AGPAT3: variants seen among roughly 807,000 people sequenced by gnomAD.
AGPAT3 encodes the protein 1-acylglycerol-3-phosphate O-acyltransferase 3, also known as 1-acyl-sn-glycerol-3-phosphate acyltransferase gamma.
AGPAT3 carries 5 observed loss-of-function variants against 47.3 expected under a neutral mutation model. That is an observed-to-expected ratio of 0.11 (90% CI 0.06 to 0.22). The LOEUF is 0.22. Among genes scored for constraint, AGPAT3 ranks in the 10% least tolerant of loss-of-function variants. AGPAT3 has a pLI of 1.00. For synonymous variants in AGPAT3, 212 were observed against 208.3 expected (o/e 1.02, Z -0.15); for missense variants, 315 against 493.0 (o/e 0.64, Z 3.42).
chr21:43,980,203 G>C (rs539368360), intron 8 of AGPAT3, among the ~76,000 whole-genome samples: 1 of 150,472 alleles, frequency 6.6e-6, no homozygotes, highest in Non-Finnish European at 1.5e-5. Context: ...TTAAACCCGG[G>C]AGACAGAGGT....
At chr21:43,957,152 G>A (rs1196243498) in intron 2 of AGPAT3, among the ~76,000 whole-genome samples, 5 of 151,956 alleles carry the variant, frequency 3.3e-5, no homozygotes, top group East Asian at 1.9e-4. Flanking sequence ...TGTGGCCCCC[G>A]AGTGCCATTC....
chr21:43,976,015 T>C (rs182012323), intron 7 of AGPAT3, among the ~76,000 whole-genome samples: 1 of 151,878 alleles, frequency 6.6e-6, no homozygotes, highest in East Asian at 1.9e-4. Flanking sequence ...AAAACCACAT[T>C]TTATTTTTGT....
At chr21:43,941,481 A>C (rs1389530995) in intron 2 of AGPAT3, among the ~76,000 whole-genome samples, 2 of 152,242 alleles carry the variant, frequency 1.3e-5, no homozygotes, top group Non-Finnish European at 2.9e-5. Flanking sequence ...CAGGAGGTCA[A>C]GGCCACAGTG....
intron 2 of AGPAT3, among the ~76,000 whole-genome samples, chr21:43,931,059 G>A (rs1601338068): frequency 6.6e-6 from 1 of 152,114 alleles, no homozygotes. Flanking sequence ...GCCTTTTCTC[G>A]AGGGCCCCGT....
At chr21:43,974,716 T>C (rs2089539290) in intron 7 of AGPAT3, among the ~76,000 whole-genome samples, 1 of 151,882 alleles carries the variant, frequency 6.6e-6, no homozygotes, top group Admixed American at 6.6e-5. Flanking sequence ...TGTGTATAAA[T>C]TGTATGTGTT....
chr21:43,869,397 A>G (rs1296628058), intron 1 of AGPAT3, among the ~76,000 whole-genome samples: 1 of 152,260 alleles, frequency 6.6e-6, no homozygotes, highest in Non-Finnish European at 1.5e-5. Flanking sequence ...GCATTGAGAA[A>G]TTAACCAGTT....
intron 3 of AGPAT3, among the ~76,000 whole-genome samples, chr21:43,962,070 G>C (rs1440511579): frequency 6.7e-6 from 1 of 149,292 alleles, no homozygotes; most frequent in Non-Finnish European, 1.5e-5. Context: ...GTGCGATCTC[G>C]GCTCACTGCA....
In AGPAT3 at chr21:43,901,560, ATTGT is replaced by A. The variant is rs761462052; in HGVS notation, c.-111-2393_-111-2390del. On this transcript the variant is annotated intron_variant, in intron 1 of 9. Coordinates refer to ENST00000291572, the MANE Select transcript of AGPAT3 (RefSeq NM_020132.5). ...CACTTCTGGAGGCTGAGATGTGAGG[ATTGT>A]TTGAGCTCAGGAGATCAAGACCACC... is the stretch of plus-strand genomic sequence containing the variant. Among the ~76,000 whole-genome samples, 16 of 152,218 alleles carry A rather than the reference ATTGT, an allele frequency of 1.1e-4. No homozygotes were observed. In the East Asian group the frequency reaches 2.9e-3, roughly 27 times the overall value.
chr21:43,967,829 T>G (rs1316369832), intron 3 of AGPAT3, 117 bp from the exon 4 acceptor site: 1 of 1,042,096 alleles, frequency 9.6e-7, no homozygotes, highest in Non-Finnish European at 1.4e-6. Flanking sequence ...TCAAAACTCA[T>G]GTTTAGCAGA....
intron 2 of AGPAT3, among the ~76,000 whole-genome samples, chr21:43,953,164 A>G (rs981038987): frequency 2.5e-4 from 38 of 152,302 alleles, no homozygotes; most frequent in Admixed American, 1.2e-3. Flanking sequence ...CCGCTTCAAC[A>G]CCATCAGGCC....
chr21:43,977,674 G>C (rs2089670115), intron 7 of AGPAT3, among the ~76,000 whole-genome samples: 1 of 152,036 alleles, frequency 6.6e-6, no homozygotes, highest in Admixed American at 6.5e-5. Flanking sequence ...TCAAGAGATC[G>C]AGACCATCCT....
At chr21:43,900,426 C>G (rs1312928206) in intron 1 of AGPAT3, among the ~76,000 whole-genome samples, 1 of 152,134 alleles carries the variant, frequency 6.6e-6, no homozygotes, top group Non-Finnish European at 1.5e-5. Context: ...CAGAGAGGGG[C>G]ATGAGGGAAG....
chr21:43,962,924 A>C (rs745850592), intron 3 of AGPAT3, among the ~76,000 whole-genome samples: 3 of 128,354 alleles, frequency 2.3e-5, no homozygotes, highest in African/African-American at 5.7e-5. Flanking sequence ...AAAGAGAACC[A>C]AGTAGAACTG....
At chr21:43,865,519 G>A (rs1177048668) in intron 1 of AGPAT3, among the ~76,000 whole-genome samples, 174 bp downstream of exon 1, 1 of 147,808 alleles carries the variant, frequency 6.8e-6, no homozygotes, top group Non-Finnish European at 1.5e-5. Flanking sequence ...GGGGCGCGGG[G>A]CCTGGGAAGG....
intron 2 of AGPAT3, among the ~76,000 whole-genome samples, chr21:43,911,084 A>G (rs2086622857): frequency 1.3e-5 from 2 of 152,224 alleles, no homozygotes; most frequent in African/African-American, 4.8e-5. Flanking sequence ...TACACATAAG[A>G]ACATACATAC....
intron 2 of AGPAT3, among the ~76,000 whole-genome samples, chr21:43,914,192 C>T (rs2086684304): frequency 6.6e-6 from 1 of 152,162 alleles, no homozygotes; most frequent in African/African-American, 2.4e-5. Context: ...TGGAACCCCC[C>T]TGCCTGCGAG....
chr21:43,956,779 G>A (rs924673855), intron 2 of AGPAT3, among the ~76,000 whole-genome samples: 1 of 152,186 alleles, frequency 6.6e-6, no homozygotes, highest in African/African-American at 2.4e-5. Flanking sequence ...GGAGTAGGAG[G>A]TCAGCCCCTT....
At chr21:43,968,634 T>C (rs571313197) in intron 4 of AGPAT3, among the ~76,000 whole-genome samples, 1 of 152,118 alleles carries the variant, frequency 6.6e-6, no homozygotes, top group East Asian at 1.9e-4. Context: ...GCCTGGCTGG[T>C]TGAGGGGCCC....
At chr21:43,942,863 G>A (rs2087711680) in intron 2 of AGPAT3, among the ~76,000 whole-genome samples, 1 of 152,190 alleles carries the variant, frequency 6.6e-6, no homozygotes, top group African/African-American at 2.4e-5. Flanking sequence ...AGACAAGGCA[G>A]GACCTCTGTT....
Sources: allele counts gnomAD v4.1 joint callset (sites outside exome capture counted in the v4.1 genomes callset), GRCh38; gene constraint gnomAD v4.1.1; transcripts MANE v1.5; gene names NCBI Gene and HGNC (gene_info 2026-07-23, HGNC 2026-07-21).